The following NRXN1 variants were observed in gnomAD, a reference collection of about 807,000 sequenced individuals.
NRXN1 encodes neurexin-1.
Under a neutral mutation model 150.9 loss-of-function variants are expected in NRXN1, and 39 were observed. That is an observed-to-expected ratio of 0.26 (90% CI 0.20 to 0.34). The LOEUF (loss-of-function observed/expected upper bound fraction) is 0.34. Among genes scored for constraint, NRXN1 ranks in the 10% least tolerant of loss-of-function variants. NRXN1 has a pLI of 1.00. For missense variants in NRXN1, 1,815 were observed against 1,949.9 expected (o/e 0.93, Z 1.30); for synonymous variants, 924 against 757.0 (o/e 1.22, Z -3.62).
intron 19 of NRXN1, among the ~76,000 whole-genome samples, chr2:50,055,384 T>C (rs1693441968): frequency 6.6e-6 from 1 of 152,146 alleles, no homozygotes; most frequent in African/African-American, 2.4e-5. Context: ...CTTTTTGATG[T>C]TTCTTATTAA....
chr2:50,701,513 T>G (rs1286474017), intron 5 of NRXN1, among the ~76,000 whole-genome samples: 2 of 152,178 alleles, frequency 1.3e-5, no homozygotes, highest in African/African-American at 4.8e-5. Context: ...TTGAGAGTCT[T>G]GCATTTTTCT....
chr2:50,035,089 C>T (rs1281183955), intron 21 of NRXN1, among the ~76,000 whole-genome samples: 1 of 152,102 alleles, frequency 6.6e-6, no homozygotes, highest in Non-Finnish European at 1.5e-5. Context: ...CATTCATTGA[C>T]TGCACATCTC....
At chr2:50,260,055 T>C (rs1265449377) in intron 17 of NRXN1, among the ~76,000 whole-genome samples, 1 of 151,834 alleles carries the variant, frequency 6.6e-6, no homozygotes, top group Non-Finnish European at 1.5e-5. Context: ...ATATGCTCTG[T>C]ACTCTATCAA....
intron 17 of NRXN1, among the ~76,000 whole-genome samples, chr2:50,455,085 A>C (rs2087413264): frequency 6.6e-6 from 1 of 152,206 alleles, no homozygotes; most frequent in South Asian, 2.1e-4. Context: ...TCTGAATCAA[A>C]GAGTTGATGC....
chr2:50,735,612 T>G (rs972452922), intron 5 of NRXN1, among the ~76,000 whole-genome samples: 4 of 152,188 alleles, frequency 2.6e-5, no homozygotes, highest in Admixed American at 1.3e-4. Flanking sequence ...TTCTTTGCCA[T>G]GTCCTGTCTT....
chr2:50,749,370 C>T (rs1287399303), intron 5 of NRXN1, among the ~76,000 whole-genome samples: 2 of 151,962 alleles, frequency 1.3e-5, no homozygotes, highest in African/African-American at 4.8e-5. Flanking sequence ...TCCGTGAATC[C>T]CATTCTTTTT....
chr2:49,935,830 T>C (rs1346082132), intron 22 of NRXN1, among the ~76,000 whole-genome samples: 1 of 152,222 alleles, frequency 6.6e-6, no homozygotes, highest in Non-Finnish European at 1.5e-5. Context: ...TTATCCTTCC[T>C]GGATTTCATG....
intron 17 of NRXN1, among the ~76,000 whole-genome samples, chr2:50,333,734 G>C (rs912617570): frequency 1.3e-5 from 2 of 151,834 alleles, no homozygotes; most frequent in South Asian, 4.2e-4. Context: ...CAGAGAGTGA[G>C]AGAATGTCCT....
chr2:50,914,721 T>C (rs923347316), intron 5 of NRXN1, among the ~76,000 whole-genome samples: 4 of 151,626 alleles, frequency 2.6e-5, no homozygotes, highest in Non-Finnish European at 4.4e-5. Context: ...TTATTCTTCA[T>C]AGAAAGATTT....
At chr2:50,340,281 C>G (rs940243261) in intron 17 of NRXN1, among the ~76,000 whole-genome samples, 10 of 152,146 alleles carry the variant, frequency 6.6e-5, no homozygotes, top group African/African-American at 2.4e-4. Flanking sequence ...ACTGAACAAT[C>G]TTGTATTTTG....
chr2:50,482,239 C>T (rs1158609586), intron 15 of NRXN1, among the ~76,000 whole-genome samples: 1 of 152,098 alleles, frequency 6.6e-6, no homozygotes, highest in Admixed American at 6.5e-5. Context: ...AGTGAAATTG[C>T]TATGGGAGCG....
intron 17 of NRXN1, among the ~76,000 whole-genome samples, chr2:50,309,120 T>C (rs2074932873): frequency 6.6e-6 from 1 of 152,222 alleles, no homozygotes; most frequent in African/African-American, 2.4e-5. Context: ...TCCAAGGTTC[T>C]TTCCCATTTA....
intron 12 of NRXN1, among the ~76,000 whole-genome samples, chr2:50,513,584 C>T (rs2092535190): frequency 6.6e-6 from 1 of 152,104 alleles, no homozygotes; most frequent in Non-Finnish European, 1.5e-5. Flanking sequence ...ATAAGATGTA[C>T]ATGATACTAA....
chr2:50,306,291 A>G (rs1379030770), intron 17 of NRXN1, among the ~76,000 whole-genome samples: 1 of 152,198 alleles, frequency 6.6e-6, no homozygotes, highest in Non-Finnish European at 1.5e-5. Context: ...TTTTACTAAT[A>G]AAATAGATGA....
At chr2:50,939,121 G>A (rs1688993455) in intron 2 of NRXN1, among the ~76,000 whole-genome samples, 1 of 143,764 alleles carries the variant, frequency 7.0e-6, no homozygotes, top group Admixed American at 7.5e-5. Flanking sequence ...TGAGGCAGGA[G>A]AATGGCATGA....
intron 18 of NRXN1, among the ~76,000 whole-genome samples, chr2:50,168,377 A>C (rs1239682914): frequency 6.6e-6 from 1 of 152,218 alleles, no homozygotes; most frequent in African/African-American, 2.4e-5. Flanking sequence ...TGAAGATAGC[A>C]TTATACTTTA....
At chr2:50,632,452 T>C (rs1049783561) in intron 5 of NRXN1, 2 of 152,062 alleles carry the variant, frequency 1.3e-5, no homozygotes, top group Non-Finnish European at 2.9e-5. Context: ...ATGATCTCTA[T>C]ACCTCCTTCT....
intron 8 of NRXN1, among the ~76,000 whole-genome samples, chr2:50,608,928 T>C (rs1319579204): frequency 6.6e-6 from 1 of 152,146 alleles, no homozygotes; most frequent in Non-Finnish European, 1.5e-5. Flanking sequence ...CCCAATTCAG[T>C]TCCTTTACAA....
chr2:50,032,839 C>A (rs1689384911), intron 21 of NRXN1, among the ~76,000 whole-genome samples: 1 of 151,806 alleles, frequency 6.6e-6, no homozygotes, highest in Non-Finnish European at 1.5e-5. Flanking sequence ...TGGATGGACA[C>A]TTTAATATTG....
Sources: gnomAD v4.1 joint callset for allele counts (sites outside exome capture counted in the v4.1 genomes callset) on GRCh38, gnomAD v4.1.1 for gene constraint, MANE v1.5 for transcripts, NCBI Gene and HGNC (gene_info 2026-07-23, HGNC 2026-07-21) for gene names.